CHIC2: variants seen among roughly 807,000 people sequenced by gnomAD.
CHIC2 encodes the protein cysteine rich hydrophobic domain 2.
CHIC2 carries 14 observed loss-of-function variants against 25.9 expected under a neutral mutation model. That is an observed-to-expected ratio of 0.54 (90% CI 0.36 to 0.85). The LOEUF (loss-of-function observed/expected upper bound fraction) is 0.85. Among genes scored for constraint, CHIC2 ranks in the 40% least tolerant of loss-of-function variants. The probability of loss-of-function intolerance (pLI) is 0.01; values close to 1 mark genes in which losing one functional copy is unlikely to be tolerated. For synonymous variants in CHIC2, 70 were observed against 72.0 expected (o/e 0.97, Z 0.14); for missense variants, 146 against 202.0 (o/e 0.72, Z 1.68).
chr4:54,032,842 A>G (rs1440575365), intron 3 of CHIC2, among the ~76,000 whole-genome samples: 1 of 152,180 alleles, frequency 6.6e-6, no homozygotes, highest in Non-Finnish European at 1.5e-5. Flanking sequence ...ATAGTCTTTT[A>G]AAGAGCTGGG....
upstream of CHIC2, among the ~76,000 whole-genome samples, chr4:54,068,536 A>G (rs560377447): frequency 3.9e-5 from 6 of 152,338 alleles, no homozygotes; most frequent in South Asian, 2.1e-4. Context: ...ATGATATTTG[A>G]TTATAGCAGC....
At chr4:54,082,639 C>T in the CHIC2 span, among the ~76,000 whole-genome samples, 2 of 152,152 alleles carry the variant, frequency 1.3e-5, no homozygotes, top group South Asian at 2.1e-4. Context: ...TCATACCAGT[C>T]GTTTCTAAAT....
At chr4:54,030,433 G>A (rs1323860690) in intron 3 of CHIC2, among the ~76,000 whole-genome samples, 1 of 150,454 alleles carries the variant, frequency 6.6e-6, no homozygotes, top group Non-Finnish European at 1.5e-5. Flanking sequence ...TGAGGTGGGA[G>A]AATCACTTGA....
At chr4:54,063,225 G>A (rs866981492) in intron 1 of CHIC2, among the ~76,000 whole-genome samples, 192 of 152,282 alleles carry the variant, frequency 1.3e-3, no homozygotes, top group African/African-American at 4.2e-3. Context: ...CACTGAAAAG[G>A]TGAAGAAGTA....
Position 54,064,597 on chromosome 4 carries a change from C to A in CHIC2, c.-297G>T. 8.2e-7 allele frequency: 1 copy of A among 1,225,318 alleles called. No individual in the cohort carries two copies. Among genetic ancestry groups the A allele is most frequent in the South Asian group, 2.0e-5 (1 of 49,102 alleles). 75.9% of individuals were successfully genotyped at this position (1,225,318 alleles called of 1,614,324 possible). On this transcript the variant is annotated 5_prime_UTR_variant, in exon 1 of 6. Transcript: ENST00000263921. The surrounding 1 kb of genome is among the most constrained non-coding windows in gnomAD (Gnocchi z 4.2). ...TGCCGCCGCCGCAGCAGCAGCAACTCAGGAAACCACAGCAACAGCCCGAGC... is the reference window on the plus strand; with the variant it reads ...TGCCGCCGCCGCAGCAGCAGCAACTAAGGAAACCACAGCAACAGCCCGAGC...
intron 1 of CHIC2, among the ~76,000 whole-genome samples, chr4:54,052,394 A>C (rs1468751703): frequency 6.6e-6 from 1 of 152,226 alleles, no homozygotes; most frequent in East Asian, 1.9e-4. Context: ...TGACAGCATT[A>C]TAAATGTACC....
intron 3 of CHIC2, among the ~76,000 whole-genome samples, chr4:54,037,532 G>T (rs1362131894): frequency 2.0e-5 from 3 of 152,058 alleles, no homozygotes; most frequent in Non-Finnish European, 2.9e-5. Context: ...GCACACAAGT[G>T]TATCAAAACT....
chr4:54,061,738 T>C (rs1046566331), intron 1 of CHIC2, among the ~76,000 whole-genome samples: 2 of 151,980 alleles, frequency 1.3e-5, no homozygotes, highest in African/African-American at 2.4e-5. Context: ...GACAGAGCCA[T>C]GTTAAAAAAA....
At chr4:54,017,442 T>C (rs770192002) in intron 3 of CHIC2, among the ~76,000 whole-genome samples, 56 of 152,284 alleles carry the variant, frequency 3.7e-4, no homozygotes, top group Middle Eastern at 3.4e-3. Flanking sequence ...ACCAGATTGA[T>C]AGTCATGGGA....
chr4:54,089,599 C>T, the CHIC2 span, among the ~76,000 whole-genome samples: 1 of 152,128 alleles, frequency 6.6e-6, no homozygotes, highest in Non-Finnish European at 1.5e-5. Context: ...AAATTTTGCT[C>T]ACAAGGTTAA....
chr4:54,057,846 C>T lies in CHIC2; in HGVS notation c.119+6336G>A, dbSNP rs189188430. 7.2e-5 allele frequency among the ~76,000 whole-genome samples: 11 copies of T among 152,310 alleles called. 1 individual carries two copies. The highest frequency in any genetic ancestry group is 4.4e-5 in the Non-Finnish European group (3 of 68,018). Reference sequence around the variant, plus strand: ...AACCCAAGCATCTACATTCAACAATCAGGATGAACTTCTCTTACTTTATAT... The same window carrying T: ...AACCCAAGCATCTACATTCAACAATTAGGATGAACTTCTCTTACTTTATAT... On this transcript the variant is annotated intron_variant, in intron 1 of 5. Coordinates refer to ENST00000263921, the MANE Select transcript of CHIC2 (RefSeq NM_012110.4).
upstream of CHIC2, among the ~76,000 whole-genome samples, chr4:54,068,306 T>C (rs1440932960): frequency 6.6e-6 from 1 of 152,106 alleles, no homozygotes; most frequent in Non-Finnish European, 1.5e-5. Flanking sequence ...GGTGATTAGG[T>C]TATGAAGGCT....
chr4:54,057,058 T>G (rs1717199066), intron 1 of CHIC2, among the ~76,000 whole-genome samples: 2 of 152,124 alleles, frequency 1.3e-5, no homozygotes, highest in South Asian at 4.1e-4. Context: ...TTATTTAACC[T>G]CAGCCTACAC....
At chr4:54,018,659 A>G (rs1715811572) in intron 3 of CHIC2, among the ~76,000 whole-genome samples, 1 of 152,156 alleles carries the variant, frequency 6.6e-6, no homozygotes, top group Non-Finnish European at 1.5e-5. Flanking sequence ...TGTTAAGTGT[A>G]GAAACTGTAA....
At chr4:54,032,146 T>C (rs1294500112) in intron 3 of CHIC2, among the ~76,000 whole-genome samples, 1 of 152,134 alleles carries the variant, frequency 6.6e-6, no homozygotes, top group Non-Finnish European at 1.5e-5. Context: ...AATAAATCCA[T>C]ATAGGGACCA....
upstream of CHIC2, among the ~76,000 whole-genome samples, chr4:54,068,076 C>T (rs551886220): frequency 1.7e-4 from 26 of 152,160 alleles, no homozygotes; most frequent in Admixed American, 9.8e-4. Flanking sequence ...AGATAGTTTT[C>T]GATCTCTCTG....
In CHIC2 at chr4:54,010,048, A is replaced by T. The variant is rs1323307210; in HGVS notation, c.*47T>A. ...CCAGGAGAGCACCAAGCAAGGCACCATTGGAAAGACAACATACTTGGAAAG... is the reference window on the plus strand; with the variant it reads ...CCAGGAGAGCACCAAGCAAGGCACCTTTGGAAAGACAACATACTTGGAAAG... On this transcript the variant is annotated 3_prime_UTR_variant, in exon 6 of 6. Transcript: ENST00000263921. 3 of 1,337,838 alleles carry T rather than the reference A, an allele frequency of 2.2e-6. No individual in the cohort carries two copies. In the African/African-American group the frequency reaches 4.4e-5, roughly 19 times the overall value. The allele number at this position is 1,337,838 out of a possible 1,614,324, so 82.9% of individuals were successfully genotyped here.
chr4:54,083,355 CT>C, the CHIC2 span, among the ~76,000 whole-genome samples: 2 of 152,168 alleles, frequency 1.3e-5, no homozygotes, highest in Non-Finnish European at 2.9e-5. Flanking sequence ...ATATTTCCAA[CT>C]GCTACTCTAC....
intron 1 of CHIC2, among the ~76,000 whole-genome samples, chr4:54,062,329 T>TTTTATTTATTTATTTATTTATTTA (rs59288511): frequency 2.6e-5 from 4 of 151,334 alleles, no homozygotes; most frequent in Admixed American, 6.6e-5. Flanking sequence ...ACCTGTGAGA[T>TTTTATTTATTTATTTATTTATTTA]TTTATTTATT....
Sources: allele counts gnomAD v4.1 joint callset (sites outside exome capture counted in the v4.1 genomes callset), GRCh38; gene constraint gnomAD v4.1.1; non-coding constraint Gnocchi (gnomAD v3.1); transcripts MANE v1.5; gene names NCBI Gene and HGNC (gene_info 2026-07-23, HGNC 2026-07-21).